ALKBH4: variants seen among roughly 807,000 people sequenced by gnomAD.
ALKBH4 encodes the protein alpha-ketoglutarate-dependent dioxygenase alkB homolog 4.
Under a neutral mutation model 12.1 loss-of-function variants are expected in ALKBH4, and 8 were observed. The ratio of observed to expected loss-of-function variants is 0.66; its 90% CI spans 0.39 to 1.19. The LOEUF is 1.19. ALKBH4 is among the 50% of genes most tolerant of loss of function. The probability of loss-of-function intolerance (pLI) is 0.01; values close to 1 mark genes in which losing one functional copy is unlikely to be tolerated. For synonymous variants in ALKBH4, 195 were observed against 191.6 expected (o/e 1.02, Z -0.15); for missense variants, 403 against 430.4 (o/e 0.94, Z 0.56).
rs767202664 is a variant in ALKBH4, at chr7:102,457,808, G to A, written c.495C>T (p.Ala165=). The A allele has an allele frequency of 1.2e-6, 2 of 1,608,498 alleles. No individual in the cohort carries two copies. The highest frequency in any genetic ancestry group is 1.1e-5 in the South Asian group (1 of 91,006). ...AGGCGTCGTCCAGGTGGGGGTCAAT[G>A]GCAGAGCCCCGCTCGGGGCAGTAGT... ...NLDYCPERGS[A]IDPHLDDAWL... The change falls in exon 3 of 3, where the codon GCC becomes GCT. Residue 165 remains alanine (A), a synonymous_variant. Transcript: ENST00000292566. This position sits in a 1 kb window ranked among gnomAD's most constrained non-coding sequence, Gnocchi z 5.9.
chr7:102,457,581 A>G lies in ALKBH4; in HGVS notation c.722T>C (p.Leu241Pro). The G allele has an allele frequency of 1.2e-6, 2 of 1,607,764 alleles. No individual in the cohort carries two copies. The highest frequency in any genetic ancestry group is 1.7e-6 in the Non-Finnish European group (2 of 1,179,538). The change falls in exon 3 of 3, where the codon CTG (leucine) becomes CCG (proline). Residue 241 changes from leucine (L) to proline (P), a missense_variant. By Grantham distance (98) the Leu-to-Pro change is moderately conservative. Coordinates refer to ENST00000292566, the MANE Select transcript of ALKBH4 (RefSeq NM_017621.4). The surrounding 1 kb of genome is among the most constrained non-coding windows in gnomAD (Gnocchi z 5.9). ...CCGTGCCGCCCCGGTGAGGACCAGCAGGGAGCGGGCGGGTAAGGGGATGGC... is the reference window on the plus strand; with the variant it reads ...CCGTGCCGCCCCGGTGAGGACCAGCGGGGAGCGGGCGGGTAAGGGGATGGC... ...EVAIPLPARS[L>P]LVLTGAARHQ... is the part of the protein sequence containing the mutation.
At chr7:102,464,655 C>A (rs1256284952) in intron 1 of ALKBH4, 59 bp downstream of exon 1, 8 of 1,466,568 alleles carry the variant, frequency 5.5e-6, no homozygotes, top group East Asian at 2.7e-5. Flanking sequence ...CAAGCTGGAC[C>A]TCAGTTTCCC....
At chr7:102,463,653 T>C (rs1797857667) in intron 1 of ALKBH4, among the ~76,000 whole-genome samples, 1 of 152,154 alleles carries the variant, frequency 6.6e-6, no homozygotes, top group Non-Finnish European at 1.5e-5. Context: ...AGATGCTTGG[T>C]TTGCTTCCAT....
intron 1 of ALKBH4, among the ~76,000 whole-genome samples, chr7:102,464,323 A>T (rs1239619507): frequency 6.6e-6 from 1 of 151,910 alleles, no homozygotes; most frequent in African/African-American, 2.4e-5. Context: ...TTCGTTAGTT[A>T]ACTGGAATTC....
At chr7:102,464,347 C>CCATTG (rs573301914) in intron 1 of ALKBH4, among the ~76,000 whole-genome samples, 71 of 152,092 alleles carry the variant, frequency 4.7e-4, no homozygotes, top group African/African-American at 1.6e-3. Flanking sequence ...GTCTCCTTGC[C>CCATTG]CATTGCAGTC....
In ALKBH4 at chr7:102,458,166, G is replaced by A. The variant is rs1797703960; in HGVS notation, c.322-185C>T. ...TGACAGCAAATGGCCGGGCATGGTGGTGCATGCCTGTAATCCCAGCGCTTT... is the reference window on the plus strand; with the variant it reads ...TGACAGCAAATGGCCGGGCATGGTGATGCATGCCTGTAATCCCAGCGCTTT... On this transcript the variant is annotated intron_variant, in intron 2 of 2. Transcript: ENST00000292566. Among the ~76,000 whole-genome samples, 3 of 152,188 alleles carry A rather than the reference G, an allele frequency of 2.0e-5. No individual in the cohort carries two copies. In the South Asian group the frequency reaches 6.2e-4, roughly 31 times the overall value.
chr7:102,458,451 TC>T (rs1797710050), intron 2 of ALKBH4, among the ~76,000 whole-genome samples: 1 of 152,090 alleles, frequency 6.6e-6, no homozygotes, highest in Non-Finnish European at 1.5e-5. Flanking sequence ...AGGCCTTAGT[TC>T]CAGCTACTTA....
intron 1 of ALKBH4, among the ~76,000 whole-genome samples, chr7:102,464,044 C>CG (rs1012002485): frequency 6.6e-6 from 1 of 151,962 alleles, no homozygotes; most frequent in African/African-American, 2.4e-5. Flanking sequence ...GACCTCCCCC[C>CG]CCCCACAACC....
rs532710084 is a variant in ALKBH4, at chr7:102,460,499, C to T, written c.124-698G>A. Among the ~76,000 whole-genome samples the T allele has an allele frequency of 3.9e-4, 59 of 152,258 alleles. 2 individuals are homozygous for T. Among genetic ancestry groups the T allele is most frequent in the Admixed American group, 3.2e-3 (49 of 15,288 alleles). ...GGCAGAGCCTCTGCCCCAGGCTGAC[C>T]GGGGAAGGCCCGCAGCCCTCTTGAG... On this transcript the variant is annotated intron_variant, in intron 1 of 2. Transcript: ENST00000292566.
At chr7:102,464,692 C>A in intron 1 of ALKBH4, 22 bp downstream of exon 1, 1 of 1,498,372 alleles carries the variant, frequency 6.7e-7, no homozygotes, top group Non-Finnish European at 8.9e-7. Context: ...TTTGTGGGCG[C>A]GGCCCCTCTC....
chr7:102,459,728 C>T lies in ALKBH4; in HGVS notation c.197G>A (p.Trp66Ter). 1 of 1,614,146 alleles carries T rather than the reference C, an allele frequency of 6.2e-7. No individual in the cohort carries two copies. Among genetic ancestry groups the T allele is most frequent in the Non-Finnish European group, 8.5e-7 (1 of 1,179,996 alleles). The change falls in exon 2 of 3, where the codon TGG becomes TAG. Residue 66 changes from tryptophan to a stop codon, truncating the protein, a stop_gained. Coordinates refer to ENST00000292566, the MANE Select transcript of ALKBH4 (RefSeq NM_017621.4). LOFTEE classifies it high-confidence loss of function. ...CATCACTCCTGGGAAGGGGAAGGCC[C>T]AGCCCTCAAAGTCAGACTCCTCTGT... Reference protein sequence around the residue: ...VGTEESDFEGWAFPFPGVMLI... With the variant: ...VGTEESDFEG
At chr7:102,462,448 G>C (rs1175510257) in intron 1 of ALKBH4, among the ~76,000 whole-genome samples, 1 of 152,000 alleles carries the variant, frequency 6.6e-6, no homozygotes, top group African/African-American at 2.4e-5. Flanking sequence ...GCTCACTGCA[G>C]CCTTGACCTC....
chr7:102,463,703 G>C (rs959175185), intron 1 of ALKBH4, among the ~76,000 whole-genome samples: 1 of 152,110 alleles, frequency 6.6e-6, no homozygotes, highest in African/African-American at 2.4e-5. Context: ...TATGAACATG[G>C]GTGTGCAAAT....
intron 2 of ALKBH4, chr7:102,459,265 C>T (rs949312458): frequency 5.3e-5 from 12 of 224,738 alleles, no homozygotes; most frequent in East Asian, 9.6e-5. Flanking sequence ...GGTGGGAATG[C>T]GTGTGAGGAG....
At position 102,457,738 on chromosome 7, in the gene ALKBH4, T is replaced by C. The variant is rs1040263036; in HGVS notation, c.565A>G (p.Thr189Ala). Residue 189 changes from threonine to alanine, a missense_variant, in exon 3 of 3, where the codon ACC (threonine) becomes GCC (alanine). By Grantham distance (58) the Thr-to-Ala change is moderately conservative. Coordinates refer to ENST00000292566, the MANE Select transcript of ALKBH4 (RefSeq NM_017621.4). This position sits in a 1 kb window ranked among gnomAD's most constrained non-coding sequence, Gnocchi z 5.9. ...GCCTCCCGACACATGGACAGCACGG[T>C]GGGGGACAGGAGGTTGAGGCTGACC... ...RLVSLNLLSP[T>A]VLSMCREAPG... 1 of 1,575,438 alleles carries C rather than the reference T, an allele frequency of 6.3e-7. No homozygotes were observed. Among genetic ancestry groups the C allele is most frequent in the Non-Finnish European group, 8.6e-7 (1 of 1,163,890 alleles).
rs757902928 is a variant in ALKBH4 at position 102,457,670 on chromosome 7, C to A, written c.633G>T (p.Pro211=). Residue 211 remains proline (P), a synonymous_variant, in exon 3 of 3, where the codon CCG becomes CCT. Coordinates refer to ENST00000292566, the MANE Select transcript of ALKBH4 (RefSeq NM_017621.4). This position sits in a 1 kb window ranked among gnomAD's most constrained non-coding sequence, Gnocchi z 5.9. Reference sequence around the variant, plus strand: ...CTATCACGCTGTCCACCAAGGCCTCCGGGGCAGCCGACGGGGCCGAGCAGA... The same window carrying A: ...CTATCACGCTGTCCACCAAGGCCTCAGGGGCAGCCGACGGGGCCGAGCAGA... ...LLLCSAPSAA[P]EALVDSVIAP... 1.9e-6 allele frequency: 3 copies of A among 1,561,140 alleles called. No homozygotes were observed. Among genetic ancestry groups the A allele is most frequent in the South Asian group, 2.3e-5 (2 of 87,314 alleles).
intron 1 of ALKBH4, 104 bp from the exon 2 acceptor site, chr7:102,459,905 G>A (rs1294772513): frequency 8.8e-7 from 1 of 1,138,730 alleles, no homozygotes; most frequent in Non-Finnish European, 1.2e-6. Context: ...TGTAATTCCA[G>A]CACTTTGGGA....
At position 102,456,420 on chromosome 7, in the gene ALKBH4, T is replaced by C. The variant is rs757358914; in HGVS notation, c.*974A>G. ...CCACCATGCCCAGACGCCCAGCTAA[T>C]GTTTGTATTTTTTGTAGAGATGGGG... On this transcript the variant is annotated 3_prime_UTR_variant, in exon 3 of 3. Transcript: ENST00000292566. 2.0e-5 allele frequency: 3 copies of C among 152,120 alleles called. No individual in the cohort carries two copies. Among genetic ancestry groups the C allele is most frequent in the South Asian group, 2.1e-4 (1 of 4,816 alleles). 9.4% of individuals were successfully genotyped at this position (152,120 alleles called of 1,614,324 possible).
intron 1 of ALKBH4, among the ~76,000 whole-genome samples, chr7:102,462,737 T>C (rs2133255608): frequency 1.3e-5 from 2 of 152,204 alleles, no homozygotes; most frequent in South Asian, 4.1e-4. Context: ...TCAGAACTTT[T>C]TCATCTTGCA....
Sources: gnomAD v4.1 joint callset for allele counts (sites outside exome capture counted in the v4.1 genomes callset) on GRCh38, gnomAD v4.1.1 for gene constraint, Gnocchi (gnomAD v3.1) non-coding constraint, MANE v1.5 for transcripts, NCBI Gene and HGNC (gene_info 2026-07-23, HGNC 2026-07-21) for gene names.